The following MYO1H variants were observed in gnomAD, a reference collection of about 807,000 sequenced individuals.
MYO1H encodes unconventional myosin-Ih.
MYO1H carries 118 observed loss-of-function variants against 149.3 expected under a neutral mutation model. That is an observed-to-expected ratio of 0.79 (90% confidence interval 0.68 to 0.92). MYO1H has a LOEUF of 0.92. Among genes scored for constraint, MYO1H ranks in the 40% least tolerant of loss-of-function variants. MYO1H has a pLI of 0.00. For synonymous variants in MYO1H, 447 were observed against 465.2 expected (o/e 0.96, Z 0.50); for missense variants, 1,212 against 1,280.7 (o/e 0.95, Z 0.82).
exon 2 of MYO1H, chr12:109,388,765 T>G: frequency 6.2e-7 from 1 of 1,613,252 alleles, no homozygotes; most frequent in Non-Finnish European, 8.5e-7. Context: ...GTTCAGGATT[T>G]TGTGCTATTG....
At chr12:109,353,049 T>C (rs1868496712) in intron 1 of MYO1H, among the ~76,000 whole-genome samples, 1 of 152,148 alleles carries the variant, frequency 6.6e-6, no homozygotes, top group African/African-American at 2.4e-5. Flanking sequence ...ATAATTTTAG[T>C]CCTTAATATT....
intron 15 of MYO1H, among the ~76,000 whole-genome samples, chr12:109,419,154 T>A (rs181867318): frequency 2.7e-4 from 41 of 151,766 alleles, no homozygotes; most frequent in African/African-American, 9.9e-4. Flanking sequence ...TCCAGGAAAA[T>A]AGAAATGTTT....
chr12:109,356,328 A>G (rs1246647170), intron 1 of MYO1H, among the ~76,000 whole-genome samples: 2 of 152,146 alleles, frequency 1.3e-5, no homozygotes. Flanking sequence ...CCAGAGAAAG[A>G]TAGCTGTGGA....
chr12:109,419,672 C>G (rs973942065), intron 15 of MYO1H, among the ~76,000 whole-genome samples: 3 of 152,020 alleles, frequency 2.0e-5, no homozygotes, highest in Non-Finnish European at 4.4e-5. Flanking sequence ...CTCAGCTCCC[C>G]AAGTAGCTGG....
chr12:109,426,448 C>G (rs1027635191), intron 18 of MYO1H, among the ~76,000 whole-genome samples: 10 of 152,058 alleles, frequency 6.6e-5, no homozygotes, highest in African/African-American at 2.4e-4. Flanking sequence ...ATCAATTGAT[C>G]CCAGGAGTTC....
intron 2 of MYO1H, among the ~76,000 whole-genome samples, chr12:109,392,479 T>C (rs1324890083): frequency 6.6e-6 from 1 of 152,136 alleles, no homozygotes; most frequent in Admixed American, 6.5e-5. Context: ...TCCCAGCACT[T>C]TGGGAGGCCG....
intron 24 of MYO1H, among the ~76,000 whole-genome samples, chr12:109,440,281 C>A (rs1011292110): frequency 2.6e-5 from 4 of 151,068 alleles, no homozygotes; most frequent in African/African-American, 7.4e-5. Flanking sequence ...AATGATCTGT[C>A]CGCCTCAGCC....
chr12:109,423,454 G>A (rs1254203557), intron 16 of MYO1H, among the ~76,000 whole-genome samples: 4 of 152,192 alleles, frequency 2.6e-5, no homozygotes, highest in Admixed American at 6.5e-5. Flanking sequence ...GAGCGACCAC[G>A]CTCGGCCACA....
chr12:109,415,273 G>A (rs919672973), intron 14 of MYO1H, among the ~76,000 whole-genome samples: 6 of 152,012 alleles, frequency 3.9e-5, no homozygotes, highest in African/African-American at 9.7e-5. Context: ...TCAGGAGTTC[G>A]AGACCAGCCT....
At chr12:109,394,106 A>T (rs1869792446) in intron 3 of MYO1H, among the ~76,000 whole-genome samples, 1 of 152,178 alleles carries the variant, frequency 6.6e-6, no homozygotes, top group African/African-American at 2.4e-5. Flanking sequence ...TTTCTGTTTT[A>T]TGCAAGTTTT....
At chr12:109,379,850 A>C (rs1869165819) in intron 1 of MYO1H, among the ~76,000 whole-genome samples, 1 of 146,720 alleles carries the variant, frequency 6.8e-6, no homozygotes, top group Non-Finnish European at 1.5e-5. Flanking sequence ...CTTTTGCCTC[A>C]GCCTCCCAAG....
upstream of MYO1H, among the ~76,000 whole-genome samples, chr12:109,346,596 A>G (rs1017920495): frequency 6.6e-6 from 1 of 152,080 alleles, no homozygotes; most frequent in Non-Finnish European, 1.5e-5. Context: ...CCTTATCTCT[A>G]CTAAAAATAC....
chr12:109,430,786 C>T (rs754567924), intron 19 of MYO1H, among the ~76,000 whole-genome samples: 4 of 152,002 alleles, frequency 2.6e-5, no homozygotes, highest in African/African-American at 4.8e-5. Flanking sequence ...ATTAGCTGGG[C>T]GTGGTGGCAC....
intron 26 of MYO1H, among the ~76,000 whole-genome samples, chr12:109,441,916 G>A (rs536391804): frequency 6.6e-6 from 1 of 152,210 alleles, no homozygotes; most frequent in Non-Finnish European, 1.5e-5. Context: ...GCGTGGTGGT[G>A]TCCACCTGTA....
At chr12:109,414,445 C>T (rs1870811484) in intron 14 of MYO1H, among the ~76,000 whole-genome samples, 1 of 148,964 alleles carries the variant, frequency 6.7e-6, no homozygotes, top group Non-Finnish European at 1.5e-5. Context: ...CCACTGCACT[C>T]CCGCCTGGGA....
chr12:109,329,167 GT>G, the MYO1H span, among the ~76,000 whole-genome samples: 6 of 151,160 alleles, frequency 4.0e-5, no homozygotes, highest in African/African-American at 1.2e-4. Context: ...GTATATATCT[GT>G]GTAGTTTATA....
chr12:109,317,796 G>A, the MYO1H span, among the ~76,000 whole-genome samples: 11 of 152,074 alleles, frequency 7.2e-5, no homozygotes, highest in African/African-American at 2.7e-4. Flanking sequence ...CTCTCTATTG[G>A]GCCAAGTAAT....
Position 109,445,525 on chromosome 12 carries a change from TA to T in MYO1H, c.3007del (p.Ile1003LeufsTer9). On this transcript the variant is annotated frameshift_variant, in exon 31 of 32. Transcript: ENST00000310903. LOFTEE classifies it high-confidence loss of function. ...TGTGTATTTTAAGTTTACAGTTTTT[TA>T]TTAGTCCGGGAAAAGAAGGCACAAT... 1 of 1,610,930 alleles carries T rather than the reference TA, an allele frequency of 6.2e-7. No individual in the cohort carries two copies. Among genetic ancestry groups the T allele is most frequent in the East Asian group, 2.2e-5 (1 of 44,820 alleles).
At chr12:109,317,866 G>A in the MYO1H span, among the ~76,000 whole-genome samples, 1 of 152,168 alleles carries the variant, frequency 6.6e-6, no homozygotes, top group East Asian at 1.9e-4. Context: ...GCTTCTCAGG[G>A]TAATTCTAGA....
Sources: allele counts gnomAD v4.1 joint callset (sites outside exome capture counted in the v4.1 genomes callset), GRCh38; gene constraint gnomAD v4.1.1; transcripts MANE v1.5; gene names NCBI Gene and HGNC (gene_info 2026-07-23, HGNC 2026-07-21).